The following DPP10 variants were observed in gnomAD, a reference collection of about 807,000 sequenced individuals.
DPP10 encodes the protein dipeptidyl peptidase like 10, also known as inactive dipeptidyl peptidase 10.
Under a neutral mutation model 120.9 loss-of-function variants are expected in DPP10, and 33 were observed. The ratio of observed to expected loss-of-function variants is 0.27; its 90% CI spans 0.21 to 0.37. DPP10 has a LOEUF of 0.37. Among genes scored for constraint, DPP10 ranks in the 10% least tolerant of loss-of-function variants. DPP10 has a pLI of 1.00. For synonymous variants in DPP10, 337 were observed against 326.1 expected (o/e 1.03, Z -0.36); for missense variants, 816 against 942.8 (o/e 0.87, Z 1.76).
At chr2:114,620,889 A>G (rs1694045142) in intron 1 of DPP10, among the ~76,000 whole-genome samples, 1 of 152,126 alleles carries the variant, frequency 6.6e-6, no homozygotes, top group Admixed American at 6.6e-5. Flanking sequence ...TTTTGACAGT[A>G]ACTACATGAC....
At chr2:115,518,974 T>C (rs1250916376) in intron 4 of DPP10, among the ~76,000 whole-genome samples, 1 of 152,140 alleles carries the variant, frequency 6.6e-6, no homozygotes, top group African/African-American at 2.4e-5. Context: ...TGAAGAATCA[T>C]TAGACCAGCA....
At chr2:115,361,689 C>T (rs2064779344) in intron 3 of DPP10, among the ~76,000 whole-genome samples, 1 of 152,046 alleles carries the variant, frequency 6.6e-6, no homozygotes, top group African/African-American at 2.4e-5. Context: ...TCCCGCAGTT[C>T]CTTTATTCAC....
intron 5 of DPP10, among the ~76,000 whole-genome samples, chr2:115,683,890 T>C (rs2149481436): frequency 6.6e-6 from 1 of 151,962 alleles, no homozygotes; most frequent in South Asian, 2.1e-4. Flanking sequence ...TCAGAATCTG[T>C]AAGATCTTAG....
chr2:115,668,932 A>G (rs72950139), intron 5 of DPP10, among the ~76,000 whole-genome samples: 35 of 152,260 alleles, frequency 2.3e-4, no homozygotes, highest in African/African-American at 7.9e-4. Context: ...CTGTTCTTTT[A>G]TCAGTATAAA....
intron 1 of DPP10, among the ~76,000 whole-genome samples, chr2:114,576,740 C>T (rs1457826053): frequency 6.6e-6 from 1 of 152,164 alleles, no homozygotes; most frequent in African/African-American, 2.4e-5. Context: ...GAAGCCAACA[C>T]TAAACAAAAA....
intron 1 of DPP10, among the ~76,000 whole-genome samples, chr2:114,898,313 A>C (rs1054658080): frequency 6.7e-6 from 1 of 150,204 alleles, no homozygotes; most frequent in East Asian, 2.0e-4. Flanking sequence ...ACACATGGAC[A>C]CAGGAAGGGG....
intron 1 of DPP10, among the ~76,000 whole-genome samples, chr2:114,445,168 A>G (rs1267963008): frequency 1.3e-5 from 2 of 152,194 alleles, no homozygotes; most frequent in Non-Finnish European, 2.9e-5. Flanking sequence ...ATGGTTGTTT[A>G]AAGTTAATTT....
intron 1 of DPP10, among the ~76,000 whole-genome samples, chr2:115,262,634 A>G (rs926722407): frequency 1.3e-5 from 2 of 152,138 alleles, no homozygotes; most frequent in East Asian, 3.9e-4. Flanking sequence ...TTTCCACAAA[A>G]TTTTGCTTAT....
chr2:115,339,781 G>A (rs1001289776), intron 2 of DPP10, among the ~76,000 whole-genome samples: 1 of 152,154 alleles, frequency 6.6e-6, no homozygotes, highest in Non-Finnish European at 1.5e-5. Flanking sequence ...GGAGAACAGA[G>A]TAGTGGTTGG....
chr2:115,625,413 T>G (rs1019426149), intron 5 of DPP10, among the ~76,000 whole-genome samples: 1 of 152,160 alleles, frequency 6.6e-6, no homozygotes, highest in Non-Finnish European at 1.5e-5. Flanking sequence ...ATATGAAGTA[T>G]CTGCAACAGT....
chr2:115,289,256 G>A (rs899588813), intron 1 of DPP10, among the ~76,000 whole-genome samples: 4 of 151,922 alleles, frequency 2.6e-5, no homozygotes, highest in African/African-American at 7.2e-5. Context: ...TCTCCACAAG[G>A]AAAACTACAA....
intron 1 of DPP10, among the ~76,000 whole-genome samples, chr2:114,982,741 T>C (rs140201052): frequency 0.017 from 2,633 of 151,882 alleles, 30 homozygotes; most frequent in South Asian, 0.04. Flanking sequence ...GCTGGGACTA[T>C]AGTCGCATGC....
intron 1 of DPP10, among the ~76,000 whole-genome samples, chr2:114,812,583 GACACAC>G (rs3036385): frequency 3.7e-5 from 5 of 134,522 alleles, no homozygotes; most frequent in African/African-American, 8.5e-5. Context: ...GTGAGACATT[GACACAC>G]ACACACACAC....
chr2:114,641,260 T>C (rs1429193319), intron 1 of DPP10, among the ~76,000 whole-genome samples: 1 of 152,036 alleles, frequency 6.6e-6, no homozygotes, highest in Non-Finnish European at 1.5e-5. Flanking sequence ...TATGTTATCA[T>C]CTCACAATCA....
chr2:114,475,146 GCA>G (rs1680268373), intron 1 of DPP10, among the ~76,000 whole-genome samples: 1 of 152,140 alleles, frequency 6.6e-6, no homozygotes, highest in African/African-American at 2.4e-5. Context: ...CATCCGCACG[GCA>G]CAGTTTACAC....
At chr2:115,191,562 A>T (rs1573956033) in intron 1 of DPP10, among the ~76,000 whole-genome samples, 2 of 152,318 alleles carry the variant, frequency 1.3e-5, no homozygotes, top group East Asian at 3.9e-4. Flanking sequence ...GGAGTAATAG[A>T]ATAGATGAAA....
intron 21 of DPP10, 86 bp from the exon 22 acceptor site, chr2:115,836,071 G>A: frequency 1.5e-6 from 1 of 675,250 alleles, no homozygotes; most frequent in Non-Finnish European, 2.1e-6. Flanking sequence ...TCCAGGCATA[G>A]TTGTTATATA....
At chr2:114,808,761 G>A (rs1370576024) in intron 1 of DPP10, among the ~76,000 whole-genome samples, 1 of 151,896 alleles carries the variant, frequency 6.6e-6, no homozygotes, top group Admixed American at 6.6e-5. Flanking sequence ...CCTTGTACCT[G>A]CTCTTTCCTC....
At chr2:115,715,300 A>G (rs910667961) in intron 7 of DPP10, among the ~76,000 whole-genome samples, 6 of 130,664 alleles carry the variant, frequency 4.6e-5, no homozygotes, top group Admixed American at 9.6e-5. Context: ...GATCGCGCCA[A>G]TGCACTCCAG....
Sources: allele counts gnomAD v4.1 joint callset (sites outside exome capture counted in the v4.1 genomes callset), GRCh38; gene constraint gnomAD v4.1.1; transcripts MANE v1.5; gene names NCBI Gene and HGNC (gene_info 2026-07-23, HGNC 2026-07-21).